Variants in SCAPER observed in about 807,000 individuals in gnomAD.
SCAPER encodes S phase cyclin A-associated protein in the endoplasmic reticulum.
SCAPER carries 98 observed loss-of-function variants against 182.2 expected under a neutral mutation model. The ratio of observed to expected loss-of-function variants is 0.54; its 90% CI spans 0.46 to 0.64. The LOEUF is 0.64. SCAPER is among the 30% of genes least tolerant of loss of function. The pLI is 0.00. For missense variants in SCAPER, 1,432 were observed against 1,690.0 expected (o/e 0.85, Z 2.68); for synonymous variants, 605 against 564.6 (o/e 1.07, Z -1.01).
chr15:76,454,953 A>G (rs539402778), intron 25 of SCAPER, among the ~76,000 whole-genome samples: 49 of 152,196 alleles, frequency 3.2e-4, no homozygotes, highest in African/African-American at 1.0e-3. Context: ...ATATTTTTCT[A>G]GGAATTTAAA....
chr15:76,401,483 T>C (rs144469343), intron 27 of SCAPER, among the ~76,000 whole-genome samples: 62 of 152,350 alleles, frequency 4.1e-4, no homozygotes, highest in Admixed American at 6.5e-4. Context: ...GCTTGTGCCA[T>C]TCCAGTCATC....
intron 23 of SCAPER, among the ~76,000 whole-genome samples, chr15:76,560,953 T>C (rs1362187877): frequency 2.0e-5 from 3 of 152,204 alleles, no homozygotes; most frequent in African/African-American, 4.8e-5. Flanking sequence ...TGGAGTCTAC[T>C]AATTTAAAAG....
At chr15:76,836,879 AAAAG>A (rs367617564) in intron 5 of SCAPER, among the ~76,000 whole-genome samples, 3 of 152,166 alleles carry the variant, frequency 2.0e-5, no homozygotes, top group Admixed American at 6.5e-5. Context: ...ATCTCAATGA[AAAAG>A]AAAGAAAGAA....
chr15:76,816,312 C>T (rs1175677033), intron 5 of SCAPER, among the ~76,000 whole-genome samples: 1 of 152,156 alleles, frequency 6.6e-6, no homozygotes, highest in African/African-American at 2.4e-5. Flanking sequence ...TACAATTGTA[C>T]AAAATTATCT....
chr15:76,614,428 C>T (rs2051275361), intron 22 of SCAPER, among the ~76,000 whole-genome samples: 1 of 152,064 alleles, frequency 6.6e-6, no homozygotes, highest in South Asian at 2.1e-4. Context: ...CAAAAACAAA[C>T]AAATGAAGAC....
intron 20 of SCAPER, among the ~76,000 whole-genome samples, chr15:76,699,570 T>C (rs1013865845): frequency 2.6e-5 from 4 of 152,232 alleles, no homozygotes; most frequent in African/African-American, 4.8e-5. Flanking sequence ...CAGTATACAC[T>C]GCACGTTCAG....
intron 23 of SCAPER, among the ~76,000 whole-genome samples, chr15:76,507,707 C>T (rs2041709459): frequency 6.6e-6 from 1 of 152,096 alleles, no homozygotes; most frequent in African/African-American, 2.4e-5. Flanking sequence ...CAATAAAATA[C>T]ATTTTGTGAC....
chr15:76,698,277 C>T (rs1454739798), intron 20 of SCAPER, among the ~76,000 whole-genome samples: 6 of 152,096 alleles, frequency 3.9e-5, no homozygotes, highest in Non-Finnish European at 8.8e-5. Context: ...TACCTTCGAG[C>T]CACTCTGTAT....
intron 17 of SCAPER, among the ~76,000 whole-genome samples, chr15:76,711,230 T>G (rs1353729099): frequency 6.6e-6 from 1 of 152,176 alleles, no homozygotes; most frequent in Non-Finnish European, 1.5e-5. Context: ...ACTCACATTC[T>G]TCAAAGACAC....
chr15:76,793,290 C>T (rs924257843), intron 8 of SCAPER: 13 of 830,936 alleles, frequency 1.6e-5, no homozygotes, highest in Non-Finnish European at 2.7e-5. Context: ...GCATGCAACT[C>T]CTAAAATCTT....
intron 20 of SCAPER, among the ~76,000 whole-genome samples, chr15:76,698,213 T>C (rs748207087): frequency 6.6e-6 from 1 of 152,096 alleles, no homozygotes; most frequent in Non-Finnish European, 1.5e-5. Context: ...ATTTCATTTG[T>C]ATTAAAAGCA....
chr15:76,682,130 C>T (rs1329283062), intron 20 of SCAPER, among the ~76,000 whole-genome samples: 1 of 152,150 alleles, frequency 6.6e-6, no homozygotes, highest in South Asian at 2.1e-4. Flanking sequence ...CAGAGAGCTC[C>T]GTTAGACTGG....
chr15:76,686,031 T>C (rs1426053094), intron 20 of SCAPER, among the ~76,000 whole-genome samples: 3 of 151,914 alleles, frequency 2.0e-5, no homozygotes, highest in Non-Finnish European at 4.4e-5. Context: ...ATTTTTGAAG[T>C]AGAACACAAA....
chr15:76,901,207 G>A (rs2074761048), intron 1 of SCAPER, among the ~76,000 whole-genome samples: 1 of 152,128 alleles, frequency 6.6e-6, no homozygotes. Context: ...TCCAGCCTGG[G>A]GGACAGAGCA....
chr15:76,470,697 A>C (rs1191575441), intron 25 of SCAPER, among the ~76,000 whole-genome samples: 1 of 152,196 alleles, frequency 6.6e-6, no homozygotes, highest in Non-Finnish European at 1.5e-5. Flanking sequence ...GTAAAATTTA[A>C]GGTGAAAATT....
chr15:76,797,927 A>T, intron 7 of SCAPER, among the ~76,000 whole-genome samples: 1 of 25,420 alleles, frequency 3.9e-5, no homozygotes, highest in Non-Finnish European at 1.0e-4. Context: ...CCTACTTTTC[A>T]ACCAAAAAAA....
intron 25 of SCAPER, among the ~76,000 whole-genome samples, chr15:76,447,297 T>C (rs2142776294): frequency 6.6e-6 from 1 of 152,320 alleles, no homozygotes; most frequent in Middle Eastern, 3.4e-3. Context: ...ACATCCTTTG[T>C]GATAAACTGG....
chr15:76,439,951 C>A (rs551660617), intron 25 of SCAPER, among the ~76,000 whole-genome samples: 1 of 152,198 alleles, frequency 6.6e-6, no homozygotes, highest in Non-Finnish European at 1.5e-5. Flanking sequence ...TTAGAATACA[C>A]TAGAGTGGTC....
rs929945711 is a variant in SCAPER at position 76,857,840 on chromosome 15, G to T, written c.164C>A (p.Thr55Asn). 1.3e-6 allele frequency: 2 copies of T among 1,546,626 alleles called. No individual in the cohort carries two copies. The highest frequency in any genetic ancestry group is 1.7e-6 in the Non-Finnish European group (2 of 1,144,790). Reference sequence around the variant, plus strand: ...AGTAGTTTTATGAGTGCCTTGAATGGTCCTCTTAGATTTTCCACCAGTTTG... The same window carrying T: ...AGTAGTTTTATGAGTGCCTTGAATGTTCCTCTTAGATTTTCCACCAGTTTG... ...KCQTGGKSKR[T>N]IQGTHKTTKQ... is the part of the protein sequence containing the mutation. The change falls in exon 4 of 32, where the codon ACC becomes AAC. Residue 55 changes from threonine to asparagine, a missense_variant. Thr to Asn is a moderately conservative substitution (Grantham distance 65). Around this residue, in one of 5 missense-constraint regions of SCAPER, gnomAD observed 480 missense variants for 510.2 expected, o/e 0.94. Coordinates refer to ENST00000563290, the MANE Select transcript of SCAPER (RefSeq NM_020843.4).
Sources: gnomAD v4.1 joint callset for allele counts (sites outside exome capture counted in the v4.1 genomes callset) on GRCh38, gnomAD v4.1.1 for gene constraint, gnomAD v4.1.1 regional missense constraint, MANE v1.5 for transcripts, NCBI Gene and HGNC (gene_info 2026-07-23, HGNC 2026-07-21) for gene names.